Variants in C5orf52 observed in about 807,000 individuals in gnomAD.
C5orf52 encodes the protein uncharacterized protein C5orf52.
C5orf52 carries 15 observed loss-of-function variants against 16.8 expected under a neutral mutation model. That is an observed-to-expected ratio of 0.89 (90% confidence interval 0.60 to 1.38). C5orf52 has a LOEUF of 1.38. C5orf52 is among the 40% of genes most tolerant of loss of function. The pLI is 0.00. For synonymous variants in C5orf52, 83 were observed against 87.2 expected (o/e 0.95, Z 0.27); for missense variants, 206 against 213.1 (o/e 0.97, Z 0.21).
chr5:157,677,421 C>T (rs1342735872), intron 2 of C5orf52, among the ~76,000 whole-genome samples: 4 of 151,932 alleles, frequency 2.6e-5, no homozygotes, highest in South Asian at 4.2e-4. Flanking sequence ...TTTGGAAGGC[C>T]GAGGCGGGCG....
chr5:157,672,698 G>A (rs1759819505), intron 1 of C5orf52, among the ~76,000 whole-genome samples: 1 of 152,068 alleles, frequency 6.6e-6, no homozygotes, highest in African/African-American at 2.4e-5. Flanking sequence ...GTTCATATTA[G>A]TTTGTAAATC....
chr5:157,680,130 G>A lies in C5orf52; in HGVS notation c.*131G>A, dbSNP rs1175131181. The A allele has an allele frequency of 8.8e-6, 7 of 799,212 alleles. No homozygotes were observed. The highest frequency in any genetic ancestry group is 1.4e-5 in the Non-Finnish European group (7 of 509,580). The allele number at this position is 799,212 out of a possible 1,614,324, so 49.5% of individuals were successfully genotyped here. ...CTACACAACTGTAGAACAATAAACA[G>A]AAACCAGCAGACAGCGGAGCATAAT... On this transcript the variant is annotated 3_prime_UTR_variant, in exon 3 of 3. Coordinates refer to ENST00000409999, the MANE Select transcript of C5orf52 (RefSeq NM_001145132.2).
chr5:157,677,454 G>C (rs544923844), intron 2 of C5orf52, among the ~76,000 whole-genome samples: 2 of 152,034 alleles, frequency 1.3e-5, no homozygotes, highest in Non-Finnish European at 1.5e-5. Flanking sequence ...TTGGGAGTTC[G>C]AGACCAGCCT....
chr5:157,675,179 A>G lies in C5orf52; in HGVS notation c.300A>G (p.Thr100=). 2 of 1,548,808 alleles carry G rather than the reference A, an allele frequency of 1.3e-6. No homozygotes were observed. Among genetic ancestry groups the G allele is most frequent in the Non-Finnish European group, 1.7e-6 (2 of 1,144,498 alleles). The change falls in exon 2 of 3, where the codon ACA becomes ACG. Residue 100 remains threonine (T), a synonymous_variant. Coordinates refer to ENST00000409999, the MANE Select transcript of C5orf52 (RefSeq NM_001145132.2). ...SRVIIHDNRI[T]QRIYEMEVSA... ...TGATTATTCATGATAACCGCATCAC[A>G]CAACGAATCTATGAGATGGAGGTAA... is the stretch of plus-strand genomic sequence containing the variant.
intron 1 of C5orf52, 131 bp from the exon 2 acceptor site, chr5:157,674,961 T>G: frequency 1.6e-6 from 1 of 608,784 alleles, no homozygotes; most frequent in Non-Finnish European, 3.0e-6. Context: ...CTTTTGAAAA[T>G]TATGACAGAG....
chr5:157,679,303 T>C (rs992572144), intron 2 of C5orf52, among the ~76,000 whole-genome samples: 9 of 152,048 alleles, frequency 5.9e-5, no homozygotes, highest in African/African-American at 2.2e-4. Flanking sequence ...TACCGCCTTT[T>C]GGGGGACAGG....
At position 157,676,558 on chromosome 5, in the gene C5orf52, A is replaced by G. The variant is rs373069424; in HGVS notation, c.321+1358A>G. On this transcript the variant is annotated intron_variant, in intron 2 of 2. Coordinates refer to ENST00000409999, the MANE Select transcript of C5orf52 (RefSeq NM_001145132.2). ...GCATTTCTCTTTCTGCTACACTTCC[A>G]TGGGTGTGGTGTAGTGGAAATAGAT... Among the ~76,000 whole-genome samples the G allele has an allele frequency of 1.3e-5, 2 of 152,296 alleles. 1 individual carries two copies.
Position 157,677,431 on chromosome 5 carries a change from G to A in C5orf52, c.321+2231G>A, listed in dbSNP as rs139618275. Among the ~76,000 whole-genome samples, 199 of 152,164 alleles carry A rather than the reference G, an allele frequency of 1.3e-3. 1 individual carries two copies. Among genetic ancestry groups the A allele is most frequent in the African/African-American group, 4.4e-3 (183 of 41,530 alleles). On this transcript the variant is annotated intron_variant, in intron 2 of 2. Coordinates refer to ENST00000409999, the MANE Select transcript of C5orf52 (RefSeq NM_001145132.2). ...CGCACTTTGGAAGGCCGAGGCGGGC[G>A]GATCACCTGAGGTTGGGAGTTCGAG...
intron 1 of C5orf52, among the ~76,000 whole-genome samples, chr5:157,673,626 C>T (rs1759837870): frequency 6.6e-6 from 1 of 151,732 alleles, no homozygotes; most frequent in East Asian, 1.9e-4. Flanking sequence ...ATTTTGTTTC[C>T]ACATTTTAGA....
chr5:157,677,410 C>A (rs1759916272), intron 2 of C5orf52, among the ~76,000 whole-genome samples: 1 of 152,038 alleles, frequency 6.6e-6, no homozygotes, highest in Non-Finnish European at 1.5e-5. Context: ...GGCTCACGCA[C>A]TTTGGAAGGC....
In C5orf52 at chr5:157,677,442, G is replaced by T. The variant is rs145242291; in HGVS notation, c.321+2242G>T. Among the ~76,000 whole-genome samples, 430 of 152,246 alleles carry T rather than the reference G, an allele frequency of 2.8e-3. 2 individuals carry two copies. Among genetic ancestry groups the T allele is most frequent in the African/African-American group, 9.6e-3 (399 of 41,542 alleles). ...AGGCCGAGGCGGGCGGATCACCTGA[G>T]GTTGGGAGTTCGAGACCAGCCTGAC... On this transcript the variant is annotated intron_variant, in intron 2 of 2. Coordinates refer to ENST00000409999, the MANE Select transcript of C5orf52 (RefSeq NM_001145132.2).
At chr5:157,671,527 G>T, upstream of C5orf52, 1 of 1,125,036 alleles carries the variant, frequency 8.9e-7, no homozygotes, top group South Asian at 1.6e-5. Context: ...CTCCGCCCAG[G>T]GACTCACTCC....
At chr5:157,672,848 G>T (rs1342203054) in intron 1 of C5orf52, among the ~76,000 whole-genome samples, 1 of 151,814 alleles carries the variant, frequency 6.6e-6, no homozygotes. Flanking sequence ...TAGAGGCGGG[G>T]TTTCACCATG....
intron 2 of C5orf52, among the ~76,000 whole-genome samples, chr5:157,678,862 C>T (rs1408242565): frequency 4.6e-5 from 7 of 152,080 alleles, no homozygotes; most frequent in African/African-American, 2.4e-5. Flanking sequence ...GGGCCGGGCA[C>T]GGTGGTTCAT....
chr5:157,671,548 G>A lies in C5orf52; in HGVS notation c.-67G>A, dbSNP rs888439920. On this transcript the variant is annotated 5_prime_UTR_variant, in exon 1 of 3. Coordinates refer to ENST00000409999, the MANE Select transcript of C5orf52 (RefSeq NM_001145132.2). ...CCAGGGACTCACTCCGCGTCAGCGC[G>A]CGCCCACCTAGGTGGGCTGGCAACC... 2.1e-5 allele frequency: 28 copies of A among 1,345,602 alleles called. No homozygotes were observed. Among genetic ancestry groups the A allele is most frequent in the Non-Finnish European group, 2.7e-5 (27 of 986,208 alleles). 83.4% of individuals were successfully genotyped at this position (1,345,602 alleles called of 1,614,324 possible). A position where few individuals can be genotyped will look rare whatever the true frequency, so the allele number is the denominator to read the frequency against.
intron 1 of C5orf52, 40 bp from the exon 2 acceptor site, chr5:157,675,052 A>G (rs1759870025): frequency 1.4e-6 from 2 of 1,380,708 alleles, no homozygotes; most frequent in Non-Finnish European, 2.0e-6. Context: ...CCAGGCCCCA[A>G]CCGTCTGTAA....
At chr5:157,678,719 C>G (rs111390535) in intron 2 of C5orf52, among the ~76,000 whole-genome samples, 2 of 152,258 alleles carry the variant, frequency 1.3e-5, no homozygotes, top group African/African-American at 4.8e-5. Flanking sequence ...CCTTGGCCCC[C>G]CAAAGTGCTG....
At chr5:157,672,556 CAAA>C (rs999068367) in intron 1 of C5orf52, among the ~76,000 whole-genome samples, 18 of 151,184 alleles carry the variant, frequency 1.2e-4, no homozygotes, top group African/African-American at 2.4e-4. Context: ...ACAACAACAA[CAAA>C]AAAAAACCAG....
At chr5:157,672,786 G>T (rs912948023) in intron 1 of C5orf52, among the ~76,000 whole-genome samples, 1 of 152,086 alleles carries the variant, frequency 6.6e-6, no homozygotes, top group Non-Finnish European at 1.5e-5. Context: ...CTCCTGAGTA[G>T]CTGGGATTAC....
Sources: gnomAD v4.1 joint callset for allele counts (sites outside exome capture counted in the v4.1 genomes callset) on GRCh38, gnomAD v4.1.1 for gene constraint, MANE v1.5 for transcripts, NCBI Gene and HGNC (gene_info 2026-07-23, HGNC 2026-07-21) for gene names.